PLA1A: variants seen among roughly 807,000 people sequenced by gnomAD.
PLA1A encodes phospholipase A1 member A.
A neutral mutation model predicts 49.4 loss-of-function variants in PLA1A; 47 were observed. The observed-to-expected ratio is 0.95, with a 90% CI of 0.75 to 1.21. The LOEUF (loss-of-function observed/expected upper bound fraction) is 1.21. Among genes scored for constraint, PLA1A ranks in the 50% most tolerant of loss-of-function variants. The pLI, the probability that PLA1A is intolerant of heterozygous loss-of-function variation, is 0.00. For synonymous variants in PLA1A, 224 were observed against 207.9 expected (o/e 1.08, Z -0.67); for missense variants, 561 against 563.9 (o/e 0.99, Z 0.05).
chr3:119,619,711 C>A, intron 8 of PLA1A, 59 bp downstream of exon 8: 1 of 1,144,950 alleles, frequency 8.7e-7, no homozygotes, highest in Non-Finnish European at 1.3e-6. Flanking sequence ...AGGAGTCCAG[C>A]CCAGTGTGGT....
At position 119,625,039 on chromosome 3, in the gene PLA1A, C is replaced by T. The variant is rs1577156134; in HGVS notation, c.1013-85C>T. ...GCCACTAAGAGATAGAGCCAAGATT[C>T]CCAACCACACTGCTGCTCTCTGGGG... On this transcript the variant is annotated intron_variant, in intron 8 of 10. Transcript: ENST00000273371. The T allele has an allele frequency of 1.6e-5, 13 of 792,554 alleles. No individual in the cohort carries two copies. In the East Asian group the frequency reaches 3.0e-4, roughly 18 times the overall value. 49.1% of individuals were successfully genotyped at this position (792,554 alleles called of 1,614,324 possible).
chr3:119,617,567 A>G (rs2107792584), intron 6 of PLA1A, among the ~76,000 whole-genome samples: 1 of 151,720 alleles, frequency 6.6e-6, no homozygotes, highest in Admixed American at 6.6e-5. Flanking sequence ...ATATGGCAAA[A>G]CCCTGTTTCT....
intron 8 of PLA1A, chr3:119,620,035 G>A (rs894056516): frequency 2.2e-6 from 1 of 461,644 alleles, no homozygotes; most frequent in African/African-American, 2.0e-5. Flanking sequence ...GGTCCCTGGG[G>A]AATACTGAAC....
chr3:119,629,322 C>T (rs1560090801), intron 10 of PLA1A, 62 bp from the exon 11 acceptor site: 2 of 936,920 alleles, frequency 2.1e-6, no homozygotes, highest in Non-Finnish European at 1.8e-6. Context: ...ATTCAAAAGC[C>T]ACACAATGCC....
At position 119,618,035 on chromosome 3, in the gene PLA1A, C is replaced by T. The variant is rs2082876578; in HGVS notation, c.771C>T (p.Ile257=). Residue 257 remains isoleucine (I), a synonymous_variant, in exon 7 of 11, where the codon ATC becomes ATT. Coordinates refer to ENST00000273371, the MANE Select transcript of PLA1A (RefSeq NM_015900.4). ...TFFYAGYSYL[I]CDHMRAVHLY... ...TCTGTTCAGGTTATAGTTATCTGATCTGTGATCACATGAGGGCTGTGCACC... is the reference window on the plus strand; with the variant it reads ...TCTGTTCAGGTTATAGTTATCTGATTTGTGATCACATGAGGGCTGTGCACC... The T allele has an allele frequency of 6.2e-7, 1 of 1,612,286 alleles. No individual in the cohort carries two copies. Among genetic ancestry groups the T allele is most frequent in the Non-Finnish European group, 8.5e-7 (1 of 1,179,226 alleles).
At chr3:119,608,286 AAGAAAGAAAG>A (rs2082720656) in intron 2 of PLA1A, among the ~76,000 whole-genome samples, 1 of 150,260 alleles carries the variant, frequency 6.7e-6, no homozygotes, top group African/African-American at 2.4e-5. Context: ...GAAAGAAAGA[AAGAAAGAAAG>A]AAAAAGAAAA....
chr3:119,619,109 T>C (rs2082892938), intron 7 of PLA1A, among the ~76,000 whole-genome samples: 1 of 152,206 alleles, frequency 6.6e-6, no homozygotes, highest in Admixed American at 6.5e-5. Flanking sequence ...CTTCCAAGTG[T>C]ACATCGGGCT....
intron 9 of PLA1A, among the ~76,000 whole-genome samples, chr3:119,626,180 G>A (rs1440085442): frequency 6.6e-6 from 1 of 152,196 alleles, no homozygotes; most frequent in African/African-American, 2.4e-5. Context: ...CCACAGGGAA[G>A]GCTGCTTGGC....
chr3:119,613,050 C>T lies in PLA1A; in HGVS notation c.596C>T (p.Ala199Val). The change falls in exon 5 of 11, where the codon GCC becomes GTC. Residue 199 changes from alanine to valine, a missense_variant. Ala to Val is a moderately conservative substitution (Grantham distance 64). Coordinates refer to ENST00000273371, the MANE Select transcript of PLA1A (RefSeq NM_015900.4). ...LDPAGPEYTRASVEERLDAGD... is the reference protein window; with the variant it reads ...LDPAGPEYTRVSVEERLDAGD... Reference sequence around the variant, plus strand: ...CCCGCTGGACCTGAGTACACCAGGGCCAGTGTGGAAGAGCGCTTGGATGCT... The same window carrying T: ...CCCGCTGGACCTGAGTACACCAGGGTCAGTGTGGAAGAGCGCTTGGATGCT... 1 of 1,606,998 alleles carries T rather than the reference C, an allele frequency of 6.2e-7. No individual in the cohort carries two copies. The highest frequency in any genetic ancestry group is 1.3e-5 in the African/African-American group (1 of 74,938).
chr3:119,621,910 C>T (rs981618669), intron 8 of PLA1A, among the ~76,000 whole-genome samples: 1 of 152,116 alleles, frequency 6.6e-6, no homozygotes, highest in Non-Finnish European at 1.5e-5. Flanking sequence ...TCCCTTGGGG[C>T]CTCCAGGGTA....
intron 6 of PLA1A, among the ~76,000 whole-genome samples, chr3:119,617,737 C>T (rs573377881): frequency 1.2e-3 from 142 of 117,764 alleles, no homozygotes; most frequent in Non-Finnish European, 1.8e-3. Context: ...AGTGAGATTC[C>T]GTCTCAAAAA....
intron 7 of PLA1A, among the ~76,000 whole-genome samples, chr3:119,618,845 G>A (rs960793239): frequency 5.3e-5 from 8 of 152,156 alleles, no homozygotes; most frequent in African/African-American, 1.9e-4. Flanking sequence ...CGCTACCCCT[G>A]GCTGCCACTC....
chr3:119,620,108 C>A, intron 8 of PLA1A: 1 of 457,388 alleles, frequency 2.2e-6, no homozygotes, highest in Non-Finnish European at 4.4e-6. Flanking sequence ...TGCTCCTAAC[C>A]ATGGCATTTC....
chr3:119,614,965 G>A (rs2082825468), intron 5 of PLA1A, among the ~76,000 whole-genome samples: 1 of 152,172 alleles, frequency 6.6e-6, no homozygotes, highest in African/African-American at 2.4e-5. Context: ...AAAGGTGGTG[G>A]CAGTAAAGAC....
intron 8 of PLA1A, among the ~76,000 whole-genome samples, chr3:119,622,550 A>G (rs1309688579): frequency 6.6e-6 from 1 of 152,122 alleles, no homozygotes; most frequent in Non-Finnish European, 1.5e-5. Context: ...AACCCCAGGG[A>G]GCTCAGATGG....
chr3:119,629,498 AT>A lies in PLA1A; in HGVS notation c.*46del, dbSNP rs3054091. 46,739 of 854,524 alleles carry A rather than the reference AT, an allele frequency of 0.055. 2 individuals carry two copies. Among genetic ancestry groups the A allele is most frequent in the Admixed American group, 0.061 (2,655 of 43,408 alleles). 52.9% of individuals were successfully genotyped at this position (854,524 alleles called of 1,614,324 possible). A position where few individuals can be genotyped will look rare whatever the true frequency, so the allele number is the denominator to read the frequency against. ...ACCTGGGCAGGACACATCTCCCTGC[AT>A]TTTTTTTTTTTTTTTGAGAGAGAGG... On this transcript the variant is annotated 3_prime_UTR_variant, in exon 11 of 11. Coordinates refer to ENST00000273371, the MANE Select transcript of PLA1A (RefSeq NM_015900.4).
chr3:119,604,887 T>C (rs2107777755), intron 1 of PLA1A, among the ~76,000 whole-genome samples: 1 of 152,318 alleles, frequency 6.6e-6, no homozygotes, highest in South Asian at 2.1e-4. Flanking sequence ...TGTCCAAATG[T>C]ATATTAAAAT....
In PLA1A at chr3:119,613,879, C is replaced by T. The variant is rs778907202; in HGVS notation, c.664+761C>T. Among the ~76,000 whole-genome samples the T allele has an allele frequency of 1.9e-4, 28 of 148,900 alleles. No homozygotes were observed. The East Asian group carries it at 2.4e-3, about 13-fold the overall frequency. On this transcript the variant is annotated intron_variant, in intron 5 of 10. Coordinates refer to ENST00000273371, the MANE Select transcript of PLA1A (RefSeq NM_015900.4). Reference sequence around the variant, plus strand: ...CTGCACGCCAGCCTGAGCGACAGAGCGAGACTCTGTCTCCAAAAAAAAGAA... The same window carrying T: ...CTGCACGCCAGCCTGAGCGACAGAGTGAGACTCTGTCTCCAAAAAAAAGAA...
rs189379514 is a variant in PLA1A, at chr3:119,629,014, A to G, written c.1286+149A>G. On this transcript the variant is annotated intron_variant, in intron 10 of 10. Transcript: ENST00000273371. ...TGACAGACACCCGGTGTTTTCCAGA[A>G]CCTCCTGTGGGACCATCTTGGGTTG... The G allele has an allele frequency of 7.8e-5, 55 of 706,886 alleles. No homozygotes were observed. The South Asian group carries it at 9.5e-4, about 12-fold the overall frequency. The allele number at this position is 706,886 out of a possible 1,614,324, so 43.8% of individuals were successfully genotyped here. A position where few individuals can be genotyped will look rare whatever the true frequency, so the allele number is the denominator to read the frequency against.
Sources: gnomAD v4.1 joint callset for allele counts (sites outside exome capture counted in the v4.1 genomes callset) on GRCh38, gnomAD v4.1.1 for gene constraint, MANE v1.5 for transcripts, NCBI Gene and HGNC (gene_info 2026-07-23, HGNC 2026-07-21) for gene names.